Variants in RNLS observed in about 807,000 individuals in gnomAD.
RNLS encodes renalase, FAD dependent amine oxidase, also known as renalase.
A neutral mutation model predicts 39.8 loss-of-function variants in RNLS; 39 were observed. The ratio of observed to expected loss-of-function variants is 0.98; its 90% CI spans 0.76 to 1.28. RNLS has a LOEUF of 1.28. Among genes scored for constraint, RNLS ranks in the 50% most tolerant of loss-of-function variants. The probability of loss-of-function intolerance (pLI) is 0.00; values close to 1 mark genes in which losing one functional copy is unlikely to be tolerated. For synonymous variants in RNLS, 147 were observed against 150.7 expected, an observed-to-expected ratio of 0.98 and a Z score of 0.18; for missense variants, 410 against 413.3, an observed-to-expected ratio of 0.99 and a Z score of 0.07.
chr10:88,232,685 C>G, the RNLS span, among the ~76,000 whole-genome samples: 1 of 152,252 alleles, frequency 6.6e-6, no homozygotes, highest in Non-Finnish European at 1.5e-5. Flanking sequence ...GGTGGCCAGT[C>G]TGCCAGCCTG....
the RNLS span, among the ~76,000 whole-genome samples, chr10:88,229,397 A>G: frequency 6.6e-6 from 1 of 152,210 alleles, no homozygotes; most frequent in Non-Finnish European, 1.5e-5. Context: ...TTCAGCCTCC[A>G]GAGGAAAAGT....
At chr10:88,422,925 T>C (rs1762988689) in intron 4 of RNLS, among the ~76,000 whole-genome samples, 1 of 152,116 alleles carries the variant, frequency 6.6e-6, no homozygotes, top group Non-Finnish European at 1.5e-5. Context: ...ATCTGGTTTT[T>C]AATTTTTTTA....
chr10:88,274,977 A>G lies in RNLS; in HGVS notation c.932T>C (p.Ile311Thr), dbSNP rs780987890. 3.5e-5 allele frequency: 57 copies of G among 1,613,098 alleles called. No individual in the cohort carries two copies. The South Asian group carries it at 4.6e-4, about 13-fold the overall frequency. ...TCCAGGAAGTCAGATGGGAAATCCA[A>G]TCGCCATCATCCAGGGGCTCTTCGC... The change falls in exon 7 of 7, where the codon ATT (isoleucine) becomes ACT (threonine). Residue 311 changes from isoleucine (I) to threonine (T), a missense_variant. Ile to Thr is a moderately conservative substitution (Grantham distance 89). Transcript: ENST00000371947.
intron 4 of RNLS, among the ~76,000 whole-genome samples, chr10:88,477,975 T>C (rs1843916127): frequency 6.6e-6 from 1 of 152,238 alleles, no homozygotes; most frequent in African/African-American, 2.4e-5. Context: ...TGAGGCCATA[T>C]GGCCCAGTGC....
At chr10:88,436,065 T>G (rs1260236360) in intron 4 of RNLS, among the ~76,000 whole-genome samples, 1 of 151,900 alleles carries the variant, frequency 6.6e-6, no homozygotes, top group Non-Finnish European at 1.5e-5. Flanking sequence ...TGGGGCAGAA[T>G]GATGACACTC....
Position 88,494,374 on chromosome 10 carries a change from C to G in RNLS, c.526+78529G>C, listed in dbSNP as rs537594748. Among the ~76,000 whole-genome samples the G allele has an allele frequency of 3.9e-5, 6 of 152,232 alleles. No homozygotes were observed. The South Asian group carries it at 1.2e-3, about 32-fold the overall frequency. The stretch of plus-strand genomic sequence containing the variant: ...TCAGTCATGCCATGAACAAGTCTCT[C>G]TTCTGGGCCAGTGGGGAACAAAAGA... On this transcript the variant is annotated intron_variant, in intron 4 of 6. Coordinates refer to ENST00000331772, the MANE Select transcript of RNLS (RefSeq NM_001031709.3).
chr10:88,386,086 G>A (rs1364677781), intron 4 of RNLS, among the ~76,000 whole-genome samples: 1 of 152,140 alleles, frequency 6.6e-6, no homozygotes, highest in Non-Finnish European at 1.5e-5. Context: ...TATTTTTAGA[G>A]CCGTTACCAT....
chr10:88,398,639 C>T (rs911916180), intron 4 of RNLS, among the ~76,000 whole-genome samples: 2 of 152,002 alleles, frequency 1.3e-5, no homozygotes, highest in East Asian at 3.9e-4. Context: ...CAAAAATCAA[C>T]CCAGAATAGA....
At chr10:88,369,180 A>G (rs1850351168) in intron 4 of RNLS, among the ~76,000 whole-genome samples, 1 of 152,136 alleles carries the variant, frequency 6.6e-6, no homozygotes, top group African/African-American at 2.4e-5. Context: ...ATATTATAAT[A>G]TTTACATGGA....
At chr10:88,351,006 G>A (rs1421359197) in intron 5 of RNLS, among the ~76,000 whole-genome samples, 1 of 152,102 alleles carries the variant, frequency 6.6e-6, no homozygotes, top group Non-Finnish European at 1.5e-5. Flanking sequence ...TTTTTCATGT[G>A]TCTGCTGGCT....
At chr10:88,425,236 T>A (rs1589770122) in intron 4 of RNLS, among the ~76,000 whole-genome samples, 1 of 152,262 alleles carries the variant, frequency 6.6e-6, no homozygotes, top group East Asian at 1.9e-4. Flanking sequence ...TGTTTTGAAA[T>A]GTTTCATTGT....
At chr10:88,254,300 T>A in the RNLS span, among the ~76,000 whole-genome samples, 1 of 152,152 alleles carries the variant, frequency 6.6e-6, no homozygotes, top group African/African-American at 2.4e-5. Context: ...CCACACTGAA[T>A]AAACAGGAGT....
chr10:88,365,501 C>A (rs1181084067), intron 4 of RNLS, among the ~76,000 whole-genome samples: 1 of 138,868 alleles, frequency 7.2e-6, no homozygotes, highest in Admixed American at 7.5e-5. Context: ...TAATTCTCAG[C>A]CAATAGGATT....
rs60584908 is a variant in RNLS, at chr10:88,480,787, TTGTGTG to T, written c.526+92110_526+92115del. Among the ~76,000 whole-genome samples, 86 of 147,534 alleles carry T rather than the reference TTGTGTG, an allele frequency of 5.8e-4. 1 individual carries two copies. Among genetic ancestry groups the T allele is most frequent in the Non-Finnish European group, 1.0e-3 (67 of 66,740 alleles). On this transcript the variant is annotated intron_variant, in intron 4 of 6. Transcript: ENST00000331772. Reference sequence around the variant, plus strand: ...ATTAGTACTGTTTATTCCTGTGTCTTTGTGTGTGTGTGTGTGTGTGTGTGTGTGTGT... The same window carrying T: ...ATTAGTACTGTTTATTCCTGTGTCTTTGTGTGTGTGTGTGTGTGTGTGTGT...
intron 4 of RNLS, among the ~76,000 whole-genome samples, chr10:88,460,758 T>C (rs1842897990): frequency 6.6e-6 from 1 of 152,166 alleles, no homozygotes; most frequent in South Asian, 2.1e-4. Context: ...TTTCCCACTT[T>C]CCCTCTGACT....
intron 5 of RNLS, among the ~76,000 whole-genome samples, 186 bp from the exon 6 acceptor site, chr10:88,314,827 G>A (rs1394155606): frequency 6.6e-6 from 1 of 152,150 alleles, no homozygotes; most frequent in African/African-American, 2.4e-5. Flanking sequence ...TCTCTGAAGA[G>A]GAAGACAGAT....
At chr10:88,254,247 A>G in the RNLS span, among the ~76,000 whole-genome samples, 1 of 152,174 alleles carries the variant, frequency 6.6e-6, no homozygotes, top group Non-Finnish European at 1.5e-5. Flanking sequence ...CCCCAGGGCC[A>G]TGGTGTAACT....
intron 4 of RNLS, among the ~76,000 whole-genome samples, chr10:88,524,956 C>CACACACATATAT (rs768939981): frequency 2.1e-4 from 16 of 76,288 alleles, no homozygotes; most frequent in African/African-American, 6.8e-4. Context: ...ATGGCACACA[C>CACACACATATAT]ATACATATAT....
chr10:88,316,932 AAG>A (rs1156710156), intron 5 of RNLS, among the ~76,000 whole-genome samples: 1 of 152,220 alleles, frequency 6.6e-6, no homozygotes, highest in African/African-American at 2.4e-5. Context: ...TAAAAATACA[AAG>A]AGTCAAGCAG....
Sources: gnomAD v4.1 joint callset for allele counts (sites outside exome capture counted in the v4.1 genomes callset) on GRCh38, gnomAD v4.1.1 for gene constraint, MANE v1.5 for transcripts, NCBI Gene and HGNC (gene_info 2026-07-23, HGNC 2026-07-21) for gene names.